The following TMC3 variants were observed in gnomAD, a reference collection of about 807,000 sequenced individuals.
TMC3 encodes transmembrane channel like 3, also known as transmembrane channel-like protein 3.
A neutral mutation model predicts 110.6 loss-of-function variants in TMC3; 98 were observed. That is an observed-to-expected ratio of 0.89 (90% CI 0.75 to 1.05). The LOEUF is 1.05. TMC3 is among the 50% of genes least tolerant of loss of function. The pLI, the probability that TMC3 is intolerant of heterozygous loss-of-function variation, is 0.00. For synonymous variants in TMC3, 489 were observed against 513.1 expected, an observed-to-expected ratio of 0.95 and a Z score of 0.63; for missense variants, 1,319 against 1,373.2, an observed-to-expected ratio of 0.96 and a Z score of 0.62.
chr15:81,341,133 G>A (rs376971092), intron 16 of TMC3, among the ~76,000 whole-genome samples: 1 of 152,202 alleles, frequency 6.6e-6, no homozygotes, highest in East Asian at 1.9e-4. Context: ...TACGATTTGT[G>A]TACTTTTTTT....
intron 10 of TMC3, among the ~76,000 whole-genome samples, 188 bp from the exon 11 acceptor site, chr15:81,349,755 T>C (rs1019044996): frequency 6.9e-6 from 1 of 145,148 alleles, no homozygotes; most frequent in South Asian, 2.1e-4. Flanking sequence ...CACTTTATCA[T>C]GGTCTTTTTT....
chr15:81,348,437 T>A (rs1239334127), intron 11 of TMC3, among the ~76,000 whole-genome samples: 1 of 152,130 alleles, frequency 6.6e-6, no homozygotes, highest in Non-Finnish European at 1.5e-5. Context: ...GAGACCATAC[T>A]CCGGGGAGAA....
At chr15:81,372,829 C>G in intron 1 of TMC3, 92 bp from the exon 2 acceptor site, 1 of 1,336,336 alleles carries the variant, frequency 7.5e-7, no homozygotes, top group Non-Finnish European at 1.0e-6. Flanking sequence ...CAGCATCTCA[C>G]TGCCCTAGGG....
intron 11 of TMC3, among the ~76,000 whole-genome samples, chr15:81,347,748 G>A (rs532809815): frequency 2.6e-5 from 4 of 152,304 alleles, no homozygotes; most frequent in African/African-American, 4.8e-5. Flanking sequence ...CATGAGTAAC[G>A]AGGCCAATTT....
At chr15:81,346,163 T>C (rs1893824144) in intron 12 of TMC3, among the ~76,000 whole-genome samples, 1 of 152,244 alleles carries the variant, frequency 6.6e-6, no homozygotes, top group South Asian at 2.1e-4. Flanking sequence ...TCATGCACTG[T>C]GGCCTGAGTT....
intron 7 of TMC3, among the ~76,000 whole-genome samples, chr15:81,357,166 T>C (rs1273300259): frequency 2.6e-5 from 4 of 152,096 alleles, no homozygotes; most frequent in Non-Finnish European, 1.5e-5. Flanking sequence ...ATCTGTCTCT[T>C]ACATTGTATG....
Position 81,333,267 on chromosome 15 carries a change from A to C in TMC3, c.2460-5T>G. 1 of 1,596,416 alleles carries C rather than the reference A, an allele frequency of 6.3e-7. No homozygotes were observed. Among genetic ancestry groups the C allele is most frequent in the Non-Finnish European group, 8.6e-7 (1 of 1,169,000 alleles). On this transcript the variant is annotated splice_region_variant and splice_polypyrimidine_tract_variant and intron_variant, in intron 21 of 21. Transcript: ENST00000359440. ...GCACACAGACCGTGCAGATACCTGT[A>C]AGACAGGGGCGGTTAAGTAGCTGTG...
intron 21 of TMC3, among the ~76,000 whole-genome samples, chr15:81,333,834 C>CA (rs1254951885): frequency 1.3e-5 from 2 of 151,868 alleles, no homozygotes; most frequent in Non-Finnish European, 2.9e-5. Context: ...ATTGAAAATA[C>CA]AAAAAAATAG....
intron 3 of TMC3, among the ~76,000 whole-genome samples, chr15:81,366,346 G>A (rs922131971): frequency 1.3e-5 from 2 of 152,192 alleles, no homozygotes; most frequent in African/African-American, 4.8e-5. Flanking sequence ...TTTCTAAAAG[G>A]GGAGAACAGC....
chr15:81,346,455 A>AAGCC lies in TMC3; in HGVS notation c.1194-16_1194-13dup. On this transcript the variant is annotated splice_polypyrimidine_tract_variant and intron_variant, in intron 11 of 21. Transcript: ENST00000359440. ...ACAGCACAAGGACCCTGAAAGCCAC[A>AAGCC]AGCCCACCTTGAGAAACAAGACCAT... The AAGCC allele has an allele frequency of 6.2e-7, 1 of 1,612,488 alleles. No individual in the cohort carries two copies. The highest frequency in any genetic ancestry group is 8.5e-7 in the Non-Finnish European group (1 of 1,179,222).
chr15:81,365,928 A>C (rs1001399545), intron 3 of TMC3, among the ~76,000 whole-genome samples: 1 of 152,216 alleles, frequency 6.6e-6, no homozygotes, highest in African/African-American at 2.4e-5. Context: ...ACATGTCAAC[A>C]TGAACTATCA....
chr15:81,373,468 C>T (rs112400244), intron 1 of TMC3, among the ~76,000 whole-genome samples: 3 of 152,234 alleles, frequency 2.0e-5, no homozygotes, highest in Non-Finnish European at 2.9e-5. Context: ...TAAAAGATTT[C>T]GTTTGTTATT....
intron 17 of TMC3, among the ~76,000 whole-genome samples, 179 bp downstream of exon 17, chr15:81,339,215 A>G (rs1371437588): frequency 6.6e-6 from 1 of 152,242 alleles, no homozygotes; most frequent in Non-Finnish European, 1.5e-5. Context: ...AGAGATGATT[A>G]TACTAAGGGC....
chr15:81,371,147 T>TATCA (rs1291025955), intron 2 of TMC3, among the ~76,000 whole-genome samples: 2 of 152,194 alleles, frequency 1.3e-5, no homozygotes, highest in Admixed American at 1.3e-4. Context: ...CCTCTCTGAG[T>TATCA]ATCAACCTTC....
rs369560132 is a variant in TMC3, at chr15:81,351,861, T to C, written c.936-20A>G. The C allele has an allele frequency of 1.2e-5, 20 of 1,610,894 alleles. No homozygotes were observed. Among genetic ancestry groups the C allele is most frequent in the East Asian group, 4.5e-5 (2 of 44,742 alleles). ...ACTGCCCTGGGGAGAGAAACAGGCATGAGAACGGTACACAGGGTCCTGCTC... is the reference window on the plus strand; with the variant it reads ...ACTGCCCTGGGGAGAGAAACAGGCACGAGAACGGTACACAGGGTCCTGCTC... On this transcript the variant is annotated intron_variant, in intron 9 of 21. Transcript: ENST00000359440.
intron 12 of TMC3, 27 bp downstream of exon 12, chr15:81,346,338 A>G: frequency 6.2e-7 from 1 of 1,605,904 alleles, no homozygotes; most frequent in Non-Finnish European, 8.5e-7. Context: ...GAGGTGGGGC[A>G]GGCAACTATC....
chr15:81,359,713 C>T (rs113852456), intron 4 of TMC3, among the ~76,000 whole-genome samples: 6 of 152,290 alleles, frequency 3.9e-5, no homozygotes, highest in African/African-American at 1.4e-4. Context: ...ATTTGATAGT[C>T]ACTTCCCTAA....
rs1894112696 is a variant in TMC3, at chr15:81,358,396, T to G, written c.600+6A>C. On this transcript the variant is annotated splice_donor_region_variant and intron_variant, in intron 6 of 21. Coordinates refer to ENST00000359440, the MANE Select transcript of TMC3 (RefSeq NM_001080532.3). ...AGACAAGAGTGTGGCCAAGCATCAA[T>G]CTCACCCCCAGAGACCAGACGGTGT... The G allele has an allele frequency of 2.5e-6, 4 of 1,611,532 alleles. No homozygotes were observed. The highest frequency in any genetic ancestry group is 3.3e-5 in the Admixed American group (2 of 59,778).
chr15:81,345,653 T>G (rs1334888620), intron 12 of TMC3, among the ~76,000 whole-genome samples: 2 of 152,084 alleles, frequency 1.3e-5, no homozygotes, highest in Non-Finnish European at 2.9e-5. Flanking sequence ...GGGAATCGCT[T>G]GAGCCCAAGA....
Sources: allele counts gnomAD v4.1 joint callset (sites outside exome capture counted in the v4.1 genomes callset), GRCh38; gene constraint gnomAD v4.1.1; transcripts MANE v1.5; gene names NCBI Gene and HGNC (gene_info 2026-07-23, HGNC 2026-07-21).